Variants in GALNT18 observed in about 807,000 individuals in gnomAD.
GALNT18 encodes GalNAc-transferase 18.
A neutral mutation model predicts 69.5 loss-of-function variants in GALNT18; 44 were observed. The ratio of observed to expected loss-of-function variants is 0.63; its 90% CI spans 0.50 to 0.81. The LOEUF (loss-of-function observed/expected upper bound fraction) is 0.81, where lower values mean the gene tolerates loss of function less well. Ranked by LOEUF, GALNT18 falls within the 40% of genes least tolerant of loss-of-function variation. The pLI, the probability that GALNT18 is intolerant of heterozygous loss-of-function variation, is 0.00. For synonymous variants in GALNT18, 364 were observed against 318.2 expected (o/e 1.14, Z -1.53); for missense variants, 715 against 810.0 (o/e 0.88, Z 1.42).
At chr11:11,441,220 C>G (rs758924955) in intron 2 of GALNT18, among the ~76,000 whole-genome samples, 1 of 152,144 alleles carries the variant, frequency 6.6e-6, no homozygotes, top group South Asian at 2.1e-4. Flanking sequence ...TGGCCCACAA[C>G]GAAATTAATA....
chr11:11,329,455 A>G (rs566378339), intron 8 of GALNT18, among the ~76,000 whole-genome samples: 1 of 152,306 alleles, frequency 6.6e-6, no homozygotes, highest in African/African-American at 2.4e-5. Context: ...AGTGCTATTC[A>G]GCCTGTGTGG....
At chr11:11,420,980 C>T (rs548497453) in intron 3 of GALNT18, among the ~76,000 whole-genome samples, 1 of 152,190 alleles carries the variant, frequency 6.6e-6, no homozygotes, top group East Asian at 1.9e-4. Context: ...CTTGGCTAGT[C>T]CGTAAAGCAA....
At position 11,619,298 on chromosome 11, in the gene GALNT18, C is replaced by G. The variant is rs2133976604; in HGVS notation, c.235+2061G>C. Among the ~76,000 whole-genome samples, 1 of 152,252 alleles carries G rather than the reference C, an allele frequency of 6.6e-6. No homozygotes were observed. Among genetic ancestry groups the G allele is most frequent in the Non-Finnish European group, 1.5e-5 (1 of 68,020 alleles). ...ACAACACGTGTTTTAGGGACCCTGT[C>G]TCCTATTTTTTTAACCTATCTTCTC... On this transcript the variant is annotated intron_variant, in intron 1 of 10. Coordinates refer to ENST00000227756, the MANE Select transcript of GALNT18 (RefSeq NM_198516.3). The surrounding 1 kb of genome is among the most constrained non-coding windows in gnomAD (Gnocchi z 4.9).
In GALNT18 at chr11:11,320,433, G is replaced by T. The variant is rs1849823971; in HGVS notation, c.1512+6653C>A. ...CCTATGTGGCCATGGTAACAATAAA[G>T]ATCTTGCTGAGAACTGCCAGTAGGA... On this transcript the variant is annotated intron_variant, in intron 9 of 10. Transcript: ENST00000227756. This position sits in a 1 kb window ranked among gnomAD's most constrained non-coding sequence, Gnocchi z 4.9. 6.6e-6 allele frequency among the ~76,000 whole-genome samples: 1 copy of T among 152,174 alleles called. No homozygotes were observed. The highest frequency in any genetic ancestry group is 6.5e-5 in the Admixed American group (1 of 15,280).
chr11:11,441,530 C>T (rs1324228264), intron 2 of GALNT18, among the ~76,000 whole-genome samples: 1 of 152,110 alleles, frequency 6.6e-6, no homozygotes, highest in Non-Finnish European at 1.5e-5. Context: ...GGCCACATAG[C>T]GCCTGTGGGA....
At chr11:11,407,401 A>G (rs115899068) in intron 3 of GALNT18, among the ~76,000 whole-genome samples, 1,664 of 152,308 alleles carry the variant, frequency 0.011, 38 homozygotes, top group African/African-American at 0.038. Context: ...TGAAGAGGCA[A>G]TTAGGGAAGC....
At position 11,470,169 on chromosome 11, in the gene GALNT18, C is replaced by G. The variant is rs918669108; in HGVS notation, c.236-21233G>C. Among the ~76,000 whole-genome samples the G allele has an allele frequency of 1.3e-5, 2 of 152,216 alleles. No individual in the cohort carries two copies. Among genetic ancestry groups the G allele is most frequent in the Non-Finnish European group, 2.9e-5 (2 of 68,034 alleles). Reference sequence around the variant, plus strand: ...CTTGAGAAGTCTCACAGCCAGCCCCCATCCATGCTTGACCACAGCTGTTAC... The same window carrying G: ...CTTGAGAAGTCTCACAGCCAGCCCCGATCCATGCTTGACCACAGCTGTTAC... On this transcript the variant is annotated intron_variant, in intron 1 of 10. Transcript: ENST00000227756. This position sits in a 1 kb window ranked among gnomAD's most constrained non-coding sequence, Gnocchi z 4.8.
intron 1 of GALNT18, among the ~76,000 whole-genome samples, chr11:11,580,286 G>A (rs766285887): frequency 7.2e-5 from 11 of 152,094 alleles, no homozygotes; most frequent in Non-Finnish European, 1.5e-4. Context: ...TTCTCAATCC[G>A]ACAGCAAGGA....
In GALNT18 at chr11:11,480,228, ATTTC is replaced by A. The variant is rs1041977314; in HGVS notation, c.236-31296_236-31293del. ...TAAAAGAAGGGGTCAATCTTTCTTT[ATTTC>A]TTTCTTTCTTCCTTCCTTCCTCTCT... On this transcript the variant is annotated intron_variant, in intron 1 of 10. Transcript: ENST00000227756. This position sits in a 1 kb window ranked among gnomAD's most constrained non-coding sequence, Gnocchi z 4.6. Among the ~76,000 whole-genome samples the A allele has an allele frequency of 6.6e-6, 1 of 151,854 alleles. No homozygotes were observed. Among genetic ancestry groups the A allele is most frequent in the Non-Finnish European group, 1.5e-5 (1 of 67,962 alleles).
chr11:11,553,675 C>G (rs559055980), intron 1 of GALNT18, among the ~76,000 whole-genome samples: 24 of 139,256 alleles, frequency 1.7e-4, no homozygotes, highest in African/African-American at 5.6e-4. Flanking sequence ...TGAGAAGCAC[C>G]AAGCTCCCCC....
intron 3 of GALNT18, among the ~76,000 whole-genome samples, chr11:11,390,941 G>A (rs554654076): frequency 1.9e-4 from 29 of 152,286 alleles, no homozygotes; most frequent in South Asian, 1.7e-3. Context: ...TATTTGGGTC[G>A]CTGTGGAAAT....
chr11:11,501,565 ATG>A (rs1005773443), intron 1 of GALNT18, among the ~76,000 whole-genome samples: 1 of 152,158 alleles, frequency 6.6e-6, no homozygotes, highest in African/African-American at 2.4e-5. Flanking sequence ...TTATGTAATA[ATG>A]TGTCTTCCCT....
intron 1 of GALNT18, among the ~76,000 whole-genome samples, chr11:11,560,191 G>T (rs1353142219): frequency 6.9e-6 from 1 of 145,810 alleles, no homozygotes; most frequent in East Asian, 2.1e-4. Flanking sequence ...GATATGATGG[G>T]ATGGGTGAGA....
At chr11:11,405,757 T>C (rs1233591961) in intron 3 of GALNT18, among the ~76,000 whole-genome samples, 1 of 152,228 alleles carries the variant, frequency 6.6e-6, no homozygotes, top group Non-Finnish European at 1.5e-5. Flanking sequence ...AGAGAGCAAG[T>C]TCACGTTTCC....
intron 1 of GALNT18, among the ~76,000 whole-genome samples, chr11:11,574,316 G>C (rs1590110741): frequency 6.6e-6 from 1 of 152,180 alleles, no homozygotes; most frequent in African/African-American, 2.4e-5. Context: ...GCCCTGCTCA[G>C]ACCAGAAATC....
chr11:11,316,221 C>T (rs530265930), intron 9 of GALNT18, among the ~76,000 whole-genome samples: 1 of 152,230 alleles, frequency 6.6e-6, no homozygotes, highest in Admixed American at 6.5e-5. Context: ...GAAATCAACT[C>T]AGGGGTTTTT....
intron 10 of GALNT18, among the ~76,000 whole-genome samples, chr11:11,277,839 A>G (rs562725969): frequency 4.5e-4 from 69 of 152,210 alleles, no homozygotes; most frequent in African/African-American, 1.5e-3. Context: ...CCTGAGTTCT[A>G]ATTTGATTGC....
intron 1 of GALNT18, among the ~76,000 whole-genome samples, chr11:11,527,556 T>TAG (rs928067258): frequency 1.3e-5 from 2 of 152,144 alleles, no homozygotes; most frequent in African/African-American, 2.4e-5. Context: ...GTTCACCAAT[T>TAG]AGAGGTACCA....
rs374236920 is a variant in GALNT18, at chr11:11,459,713, C to T, written c.236-10777G>A. ...TGCAAAGATTAAGTGAGATGATGGA[C>T]ACCCCGAAAGTGCTTAGCAAACCAT... On this transcript the variant is annotated intron_variant, in intron 1 of 10. Coordinates refer to ENST00000227756, the MANE Select transcript of GALNT18 (RefSeq NM_198516.3). This position sits in a 1 kb window ranked among gnomAD's most constrained non-coding sequence, Gnocchi z 5.0. 6.6e-6 allele frequency among the ~76,000 whole-genome samples: 1 copy of T among 152,218 alleles called. No individual in the cohort carries two copies. The highest frequency in any genetic ancestry group is 1.9e-4 in the East Asian group (1 of 5,198).
Sources: gnomAD v4.1 joint callset for allele counts (sites outside exome capture counted in the v4.1 genomes callset) on GRCh38, gnomAD v4.1.1 for gene constraint, Gnocchi (gnomAD v3.1) non-coding constraint, MANE v1.5 for transcripts, NCBI Gene and HGNC (gene_info 2026-07-23, HGNC 2026-07-21) for gene names.